C18orf32: variants seen among roughly 807,000 people sequenced by gnomAD.
The protein encoded by C18orf32 is UPF0729 protein C18orf32.
C18orf32 carries 5 observed loss-of-function variants against 7.4 expected under a neutral mutation model. The ratio of observed to expected loss-of-function variants is 0.68; its 90% CI spans 0.35 to 1.42. The LOEUF (loss-of-function observed/expected upper bound fraction) is 1.42, where lower values mean the gene tolerates loss of function less well. C18orf32 is among the 40% of genes most tolerant of loss of function. The probability of loss-of-function intolerance (pLI) is 0.04; values close to 1 mark genes in which losing one functional copy is unlikely to be tolerated. For synonymous variants in C18orf32, 30 were observed against 29.3 expected (o/e 1.02, Z -0.08); for missense variants, 88 against 92.4 (o/e 0.95, Z 0.19).
At chr18:49,482,800 C>CTT (rs11454920) in intron 2 of C18orf32, among the ~76,000 whole-genome samples, 6,655 of 130,110 alleles carry the variant, frequency 0.051, 554 homozygotes, top group African/African-American at 0.16. Flanking sequence ...CTGTCTCTCT[C>CTT]TTTTTTTTTT....
chr18:49,485,876 C>A (rs887191193), intron 1 of C18orf32: 1 of 152,022 alleles, frequency 6.6e-6, no homozygotes, highest in African/African-American at 2.4e-5. Context: ...CCCGCCTAGG[C>A]CTCCCAAAGT....
At chr18:49,486,073 C>A (rs1449071167) in intron 1 of C18orf32, 1 of 141,828 alleles carries the variant, frequency 7.1e-6, no homozygotes, top group Non-Finnish European at 1.5e-5. Flanking sequence ...AGAGGCAGAC[C>A]CTGTCTCAAG....
chr18:49,485,351 C>T (rs1343111623), intron 1 of C18orf32, among the ~76,000 whole-genome samples: 2 of 152,028 alleles, frequency 1.3e-5, no homozygotes, highest in South Asian at 2.1e-4. Flanking sequence ...GTAAGGAGTT[C>T]GAAACCAGCC....
chr18:49,482,092 A>G lies in C18orf32; in HGVS notation c.*253T>C, dbSNP rs567847292. 2.4e-6 allele frequency: 1 copy of G among 411,798 alleles called. No homozygotes were observed. The highest frequency in any genetic ancestry group is 4.3e-6 in the Non-Finnish European group (1 of 231,312). The allele number at this position is 411,798 out of a possible 1,614,324, so 25.5% of individuals were successfully genotyped here. On this transcript the variant is annotated 3_prime_UTR_variant, in exon 3 of 3. Coordinates refer to ENST00000318240, the MANE Select transcript of C18orf32 (RefSeq NM_001035005.4). ...ACTGGCACAAACCTTCTATTTAATC[A>G]TATTATTCAAACAGCAATAACAGAA...
rs1464826867 is a variant in C18orf32, at chr18:49,481,517, T to C, written c.*828A>G. 6.6e-6 allele frequency: 1 copy of C among 152,092 alleles called. No homozygotes were observed. Among genetic ancestry groups the C allele is most frequent in the Non-Finnish European group, 1.5e-5 (1 of 68,048 alleles). The allele number at this position is 152,092 out of a possible 1,614,324, so 9.4% of individuals were successfully genotyped here. On this transcript the variant is annotated 3_prime_UTR_variant, in exon 3 of 3. Transcript: ENST00000318240. Reference sequence around the variant, plus strand: ...TCACTGCTGCTGAAAACCACTAAATTTTGGAGTGTCTTGTTACGCAACAAT... The same window carrying C: ...TCACTGCTGCTGAAAACCACTAAATCTTGGAGTGTCTTGTTACGCAACAAT...
chr18:49,481,021 G>T lies in C18orf32; in HGVS notation c.*1324C>A, dbSNP rs78923190. 49 of 152,134 alleles carry T rather than the reference G, an allele frequency of 3.2e-4. No homozygotes were observed. Among genetic ancestry groups the T allele is most frequent in the African/African-American group, 1.1e-3 (47 of 41,492 alleles). 9.4% of individuals were successfully genotyped at this position (152,134 alleles called of 1,614,324 possible). Reference sequence around the variant, plus strand: ...GCTGGAATAAGGGAATGAGAGTTGAGAAAAAACATTCGCTTTTCATTTAGG... The same window carrying T: ...GCTGGAATAAGGGAATGAGAGTTGATAAAAAACATTCGCTTTTCATTTAGG... On this transcript the variant is annotated 3_prime_UTR_variant, in exon 3 of 3. Transcript: ENST00000318240.
At chr18:49,485,980 G>A (rs180966200) in intron 1 of C18orf32, 8 of 151,684 alleles carry the variant, frequency 5.3e-5, no homozygotes, top group Admixed American at 5.3e-4. Context: ...TTGGGGAGCT[G>A]AGGAAGGAGA....
At position 49,483,601 on chromosome 18, in the gene C18orf32, C is replaced by T; in HGVS notation, c.148G>A (p.Gly50Ser). 1 of 1,604,778 alleles carries T rather than the reference C, an allele frequency of 6.2e-7. No homozygotes were observed. Among genetic ancestry groups the T allele is most frequent in the Non-Finnish European group, 8.5e-7 (1 of 1,177,782 alleles). The change falls in exon 2 of 3, where the codon GGC becomes AGC. Residue 50 changes from glycine to serine, a missense_variant. Coordinates refer to ENST00000318240, the MANE Select transcript of C18orf32 (RefSeq NM_001035005.4). ...AIQESNDTNK[G>S]KVNFKGADMN... ...GTTCTTACCTTAAAGTTTACTTTGCCTTTGTTTGTATCATTGGATTCTTGT... is the reference window on the plus strand; with the variant it reads ...GTTCTTACCTTAAAGTTTACTTTGCTTTTGTTTGTATCATTGGATTCTTGT...
intron 1 of C18orf32, among the ~76,000 whole-genome samples, chr18:49,484,268 A>T (rs1185083190): frequency 6.6e-6 from 1 of 151,712 alleles, no homozygotes; most frequent in Non-Finnish European, 1.5e-5. Flanking sequence ...AAAAAAAAAG[A>T]CTTTATTAAA....
rs771719184 is a variant in C18orf32 at position 49,482,192 on chromosome 18, A to G, written c.*153T>C. 4 of 652,992 alleles carry G rather than the reference A, an allele frequency of 6.1e-6. No individual in the cohort carries two copies. Among genetic ancestry groups the G allele is most frequent in the Non-Finnish European group, 8.2e-6 (3 of 366,984 alleles). 40.4% of individuals were successfully genotyped at this position (652,992 alleles called of 1,614,324 possible). A position where few individuals can be genotyped will look rare whatever the true frequency, so the allele number is the denominator to read the frequency against. ...ATAACTAACTACATTTTAAATACGG[A>G]TATCATATATTTCCTGATTAGTATC... On this transcript the variant is annotated 3_prime_UTR_variant, in exon 3 of 3. Coordinates refer to ENST00000318240, the MANE Select transcript of C18orf32 (RefSeq NM_001035005.4).
intron 1 of C18orf32, among the ~76,000 whole-genome samples, chr18:49,484,102 C>T (rs1283689460): frequency 7.0e-6 from 1 of 142,512 alleles, no homozygotes; most frequent in East Asian, 2.1e-4. Context: ...GCTCTCCAGC[C>T]TGGATGACAC....
At chr18:49,484,972 C>G (rs77061244) in intron 1 of C18orf32, 8,481 of 152,226 alleles carry the variant, frequency 0.056, 274 homozygotes, top group South Asian at 0.099. Flanking sequence ...ATCCCAGCTA[C>G]TCGGGAGGCT....
chr18:49,481,692 G>A lies in C18orf32; in HGVS notation c.*653C>T, dbSNP rs1482046478. On this transcript the variant is annotated 3_prime_UTR_variant, in exon 3 of 3. Transcript: ENST00000318240. ...AACTGAATGTTTAATACATTTGTAG[G>A]AACAGAAGAAATGCAGTAAGGATTA... 5.9e-5 allele frequency: 9 copies of A among 152,112 alleles called. No individual in the cohort carries two copies. Among genetic ancestry groups the A allele is most frequent in the Admixed American group, 5.9e-4 (9 of 15,272 alleles). 9.4% of individuals were successfully genotyped at this position (152,112 alleles called of 1,614,324 possible).
chr18:49,482,327 T>A lies in C18orf32; in HGVS notation c.*18A>T, dbSNP rs201412849. 3.0e-5 allele frequency: 47 copies of A among 1,586,058 alleles called. 1 individual carries two copies. The highest frequency in any genetic ancestry group is 6.7e-5 in the Admixed American group (4 of 59,520). On this transcript the variant is annotated 3_prime_UTR_variant, in exon 3 of 3. Coordinates refer to ENST00000318240, the MANE Select transcript of C18orf32 (RefSeq NM_001035005.4). ...CAGGTCCATTTTTTAAATGATGGGG[T>A]CCTTTAGGAAAATTTCTTTAGTCTT...
chr18:49,478,316 T>G lies in C18orf32; in HGVS notation c.*4029A>C, dbSNP rs1414336725. The stretch of plus-strand genomic sequence containing the variant: ...TCTTGCTCTGTCACCTAGGCTGGAG[T>G]GCAGTGGTACAATTTCAGCTCACTG... On this transcript the variant is annotated 3_prime_UTR_variant, in exon 3 of 3. Coordinates refer to ENST00000318240, the MANE Select transcript of C18orf32 (RefSeq NM_001035005.4). The G allele has an allele frequency of 6.7e-6, 1 of 150,330 alleles. No homozygotes were observed. Among genetic ancestry groups the G allele is most frequent in the Non-Finnish European group, 1.5e-5 (1 of 68,158 alleles). 9.3% of individuals were successfully genotyped at this position (150,330 alleles called of 1,614,324 possible). A position where few individuals can be genotyped will look rare whatever the true frequency, so the allele number is the denominator to read the frequency against.
At chr18:49,484,167 T>A (rs12970628) in intron 1 of C18orf32, among the ~76,000 whole-genome samples, 12 of 93,822 alleles carry the variant, frequency 1.3e-4, no homozygotes, top group African/African-American at 3.0e-4. Context: ...TATATATATA[T>A]ACACACACAC....
chr18:49,486,037 G>GC (rs1315908736), intron 1 of C18orf32: 1 of 150,116 alleles, frequency 6.7e-6, no homozygotes, highest in African/African-American at 2.5e-5. Context: ...AGCTATGATG[G>GC]CCCACTGGAC....
chr18:49,484,141 A>AG, intron 1 of C18orf32, among the ~76,000 whole-genome samples: 1 of 80,366 alleles, frequency 1.2e-5, no homozygotes, highest in South Asian at 5.8e-4. Flanking sequence ...AAAAAGAAAA[A>AG]AAAAAAATAT....
intron 1 of C18orf32, among the ~76,000 whole-genome samples, 190 bp downstream of exon 1, chr18:49,486,853 G>A (rs1347938086): frequency 6.6e-6 from 1 of 152,176 alleles, no homozygotes; most frequent in Non-Finnish European, 1.5e-5. Context: ...CGAGAACAGA[G>A]GCCTAACGGT....
Sources: allele counts gnomAD v4.1 joint callset (sites outside exome capture counted in the v4.1 genomes callset), GRCh38; gene constraint gnomAD v4.1.1; transcripts MANE v1.5; gene names NCBI Gene and HGNC (gene_info 2026-07-23, HGNC 2026-07-21).